Variants in DPP10 observed in about 807,000 individuals in gnomAD.
DPP10 encodes dipeptidyl peptidase like 10.
A neutral mutation model predicts 120.9 loss-of-function variants in DPP10; 33 were observed. That is an observed-to-expected ratio of 0.27 (90% CI 0.21 to 0.37). The LOEUF (loss-of-function observed/expected upper bound fraction) is 0.37, where lower values mean the gene tolerates loss of function less well. DPP10 is among the 10% of genes least tolerant of loss of function. DPP10 has a pLI of 1.00. For synonymous variants in DPP10, 337 were observed against 326.1 expected (o/e 1.03, Z -0.36); for missense variants, 816 against 942.8 (o/e 0.87, Z 1.76).
chr2:115,768,075 C>G (rs1485069663), intron 12 of DPP10, among the ~76,000 whole-genome samples: 1 of 152,118 alleles, frequency 6.6e-6, no homozygotes, highest in Non-Finnish European at 1.5e-5. Flanking sequence ...ACAAATTTCT[C>G]CTATCCTTCC....
At position 114,820,156 on chromosome 2, in the gene DPP10, A is replaced by G. The variant is rs1484938242; in HGVS notation, c.60+377318A>G. Among the ~76,000 whole-genome samples the G allele has an allele frequency of 4.6e-5, 7 of 152,334 alleles. No individual in the cohort carries two copies. The East Asian group carries it at 9.6e-4, about 21-fold the overall frequency. On this transcript the variant is annotated intron_variant, in intron 1 of 25. Transcript: ENST00000410059. ...GCAAGAATAGAGGGAATTAGTTACA[A>G]TGTGCCAGAGAGAGTGCAAGATGAC...
intron 1 of DPP10, among the ~76,000 whole-genome samples, chr2:114,475,404 A>G (rs1448452039): frequency 2.0e-5 from 3 of 152,218 alleles, no homozygotes; most frequent in South Asian, 2.1e-4. Flanking sequence ...ATTCAAAAGT[A>G]TCAAGCTTTG....
At chr2:114,656,753 T>C (rs1326028336) in intron 1 of DPP10, among the ~76,000 whole-genome samples, 1 of 152,092 alleles carries the variant, frequency 6.6e-6, no homozygotes, top group Non-Finnish European at 1.5e-5. Flanking sequence ...ATGAACAAAT[T>C]AGAAAGTAGA....
chr2:115,553,817 G>T (rs1056978116), intron 5 of DPP10, among the ~76,000 whole-genome samples: 1 of 151,494 alleles, frequency 6.6e-6, no homozygotes, highest in African/African-American at 2.4e-5. Context: ...AAATTATGCT[G>T]AGGGTTTTTT....
chr2:114,855,621 C>A (rs919440508), intron 1 of DPP10, among the ~76,000 whole-genome samples: 5 of 152,116 alleles, frequency 3.3e-5, no homozygotes, highest in African/African-American at 9.7e-5. Context: ...TAAGTTGTTC[C>A]TATCATCTAG....
chr2:115,755,898 T>C (rs573550298), intron 11 of DPP10, among the ~76,000 whole-genome samples: 1 of 149,832 alleles, frequency 6.7e-6, no homozygotes, highest in Non-Finnish European at 1.5e-5. Flanking sequence ...CATATATACT[T>C]TTTAAAAAGT....
Position 114,933,060 on chromosome 2 carries a change from T to C in DPP10, c.61-376179T>C, listed in dbSNP as rs185009469. Reference sequence around the variant, plus strand: ...TTCTTGAAGTTCTATGTAATAGACATAGTCTCATTTATTCATCCTCTTTTT... The same window carrying C: ...TTCTTGAAGTTCTATGTAATAGACACAGTCTCATTTATTCATCCTCTTTTT... On this transcript the variant is annotated intron_variant, in intron 1 of 25. Coordinates refer to ENST00000410059, the MANE Select transcript of DPP10 (RefSeq NM_020868.6). Among the ~76,000 whole-genome samples, 11 of 152,312 alleles carry C rather than the reference T, an allele frequency of 7.2e-5. No individual in the cohort carries two copies. In the East Asian group the frequency reaches 1.7e-3, roughly 24 times the overall value.
intron 1 of DPP10, among the ~76,000 whole-genome samples, chr2:114,904,985 T>G (rs1242940349): frequency 6.6e-6 from 1 of 152,144 alleles, no homozygotes; most frequent in African/African-American, 2.4e-5. Context: ...TATAGAGCCA[T>G]CAAAGCCAAG....
At chr2:115,336,151 T>C (rs1042954205) in intron 2 of DPP10, among the ~76,000 whole-genome samples, 1 of 152,074 alleles carries the variant, frequency 6.6e-6, no homozygotes, top group African/African-American at 2.4e-5. Flanking sequence ...AACTTTCTTT[T>C]TTTTTCATCT....
At chr2:115,157,304 T>G (rs1353897009) in intron 1 of DPP10, among the ~76,000 whole-genome samples, 1 of 151,628 alleles carries the variant, frequency 6.6e-6, no homozygotes, top group African/African-American at 2.4e-5. Flanking sequence ...ATGGGCAATT[T>G]GTTCAATATC....
intron 2 of DPP10, among the ~76,000 whole-genome samples, chr2:115,333,350 A>G (rs2062878170): frequency 6.6e-6 from 1 of 152,026 alleles, no homozygotes; most frequent in South Asian, 2.1e-4. Flanking sequence ...TGAATACAGT[A>G]CACTGATGTG....
At chr2:115,211,138 A>G (rs1382855550) in intron 1 of DPP10, among the ~76,000 whole-genome samples, 3 of 152,166 alleles carry the variant, frequency 2.0e-5, no homozygotes, top group East Asian at 3.9e-4. Context: ...TTGCTAAAAT[A>G]TTTAATTATT....
chr2:115,160,664 G>A (rs1214250907), intron 1 of DPP10, among the ~76,000 whole-genome samples: 2 of 152,214 alleles, frequency 1.3e-5, no homozygotes, highest in African/African-American at 2.4e-5. Context: ...AGACTTGGAG[G>A]CTGTTTGTGG....
intron 3 of DPP10, among the ~76,000 whole-genome samples, chr2:115,493,917 C>T (rs1428772323): frequency 1.3e-5 from 2 of 151,948 alleles, no homozygotes; most frequent in African/African-American, 2.4e-5. Context: ...AAACTAGGAA[C>T]AGAGAAAAAC....
intron 5 of DPP10, among the ~76,000 whole-genome samples, chr2:115,651,562 G>A (rs1220135172): frequency 3.3e-5 from 5 of 152,034 alleles, no homozygotes; most frequent in South Asian, 2.1e-4. Context: ...TGGCTTAGAC[G>A]CCGAATGGTT....
rs185800299 is a variant in DPP10 at position 115,411,184 on chromosome 2, T to C, written c.271+67272T>C. 2.0e-5 allele frequency among the ~76,000 whole-genome samples: 3 copies of C among 152,010 alleles called. No individual in the cohort carries two copies. The East Asian group carries it at 5.8e-4, about 30-fold the overall frequency. The stretch of plus-strand genomic sequence containing the variant: ...TGTCTCTACTAAAAATATAAAACAT[T>C]AGCCGGGCATGGTGGCGCATGCCTG... On this transcript the variant is annotated intron_variant, in intron 3 of 25. Transcript: ENST00000410059.
At chr2:115,013,610 A>T (rs1329190773) in intron 1 of DPP10, among the ~76,000 whole-genome samples, 1 of 148,514 alleles carries the variant, frequency 6.7e-6, no homozygotes, top group South Asian at 2.2e-4. Flanking sequence ...AAACACACAT[A>T]GGCTCAAAAT....
intron 1 of DPP10, among the ~76,000 whole-genome samples, chr2:114,972,598 C>A (rs1482056952): frequency 6.6e-6 from 1 of 152,112 alleles, no homozygotes; most frequent in Non-Finnish European, 1.5e-5. Context: ...CACATATTTC[C>A]CCACAGTGCC....
At chr2:114,611,793 C>T (rs1156420817) in intron 1 of DPP10, among the ~76,000 whole-genome samples, 2 of 152,162 alleles carry the variant, frequency 1.3e-5, no homozygotes, top group East Asian at 1.9e-4. Flanking sequence ...TGTCACTGTT[C>T]ATGTCAGCAT....
Sources: allele counts gnomAD v4.1 joint callset (sites outside exome capture counted in the v4.1 genomes callset), GRCh38; gene constraint gnomAD v4.1.1; transcripts MANE v1.5; gene names NCBI Gene and HGNC (gene_info 2026-07-23, HGNC 2026-07-21).